Variants in COL11A2 observed in about 807,000 individuals in gnomAD.
COL11A2 encodes collagen type XI alpha 2 chain, also known as collagen alpha-2(XI) chain.
Under a neutral mutation model 273.4 loss-of-function variants are expected in COL11A2, and 116 were observed. That is an observed-to-expected ratio of 0.42 (90% CI 0.36 to 0.49). The LOEUF is 0.49. Ranked by LOEUF, COL11A2 falls within the 20% of genes least tolerant of loss-of-function variation. The pLI is 0.00. For synonymous variants in COL11A2, 782 were observed against 864.2 expected (o/e 0.90, Z 1.67); for missense variants, 1,866 against 2,309.0 (o/e 0.81, Z 3.93).
chr6:33,193,104 G>A (rs1315758148), upstream of COL11A2, among the ~76,000 whole-genome samples: 1 of 152,158 alleles, frequency 6.6e-6, no homozygotes, highest in Non-Finnish European at 1.5e-5. Flanking sequence ...AGGTAGAGGG[G>A]GAGCAGTGGT....
chr6:33,167,733 G>T lies in COL11A2; in HGVS notation c.4014+66C>A. ...GGTGGAGATGGGGTGGGCATCTGGA[G>T]ACGGAGGCATCTGAGGGGTGGGAGG... On this transcript the variant is annotated intron_variant, in intron 55 of 65. Transcript: ENST00000341947. This position sits in a 1 kb window ranked among gnomAD's most constrained non-coding sequence, Gnocchi z 6.1. 1 of 1,590,542 alleles carries T rather than the reference G, an allele frequency of 6.3e-7. No individual in the cohort carries two copies. The highest frequency in any genetic ancestry group is 8.6e-7 in the Non-Finnish European group (1 of 1,162,360).
In COL11A2 at chr6:33,178,234, T is replaced by C. The variant is rs1562356707; in HGVS notation, c.1819-49A>G. 1 of 1,612,470 alleles carries C rather than the reference T, an allele frequency of 6.2e-7. No homozygotes were observed. The highest frequency in any genetic ancestry group is 8.5e-7 in the Non-Finnish European group (1 of 1,179,810). ...GACGGCATGAATGGATAAAACTGTGTCCCTTTAGTGCTCATGTCCCCCTCC... is the reference window on the plus strand; with the variant it reads ...GACGGCATGAATGGATAAAACTGTGCCCCTTTAGTGCTCATGTCCCCCTCC... On this transcript the variant is annotated intron_variant, in intron 20 of 65. Transcript: ENST00000341947. The surrounding 1 kb of genome is among the most constrained non-coding windows in gnomAD (Gnocchi z 4.6).
chr6:33,165,807 C>T lies in COL11A2; in HGVS notation c.4492G>A (p.Gly1498Ser), dbSNP rs1769047894. The stretch of plus-strand genomic sequence containing the variant: ...ATGGGCAGTGGCTGGATCACCTCGC[C>T]TGGGGGACCCTGGGTGCAGGGACAG... ...QGPPGHPGPP[G>S]EVIQPLPIQM... Residue 1498 changes from glycine to serine, a missense_variant, in exon 63 of 66, where the codon GGC (glycine) becomes AGC (serine). Coordinates refer to ENST00000341947, the MANE Select transcript of COL11A2 (RefSeq NM_080680.3). The surrounding 1 kb of genome is among the most constrained non-coding windows in gnomAD (Gnocchi z 7.7). 1.9e-6 allele frequency: 3 copies of T among 1,613,472 alleles called. No homozygotes were observed. The highest frequency in any genetic ancestry group is 2.5e-6 in the Non-Finnish European group (3 of 1,180,030).
In COL11A2 at chr6:33,175,468, C is replaced by T. The variant is rs570379332; in HGVS notation, c.2376+106G>A. 49 of 861,596 alleles carry T rather than the reference C, an allele frequency of 5.7e-5. 1 individual carries two copies. Among genetic ancestry groups the T allele is most frequent in the Non-Finnish European group, 7.5e-5 (38 of 508,758 alleles). The allele number at this position is 861,596 out of a possible 1,614,324, so 53.4% of individuals were successfully genotyped here. On this transcript the variant is annotated intron_variant, in intron 30 of 65. Coordinates refer to ENST00000341947, the MANE Select transcript of COL11A2 (RefSeq NM_080680.3). ...AGACAGAAGTATGACTAATGCATGG[C>T]CATCTTCAACTGACTGGCTGACTTC...
chr6:33,177,508 T>G lies in COL11A2; in HGVS notation c.1918-43A>C. On this transcript the variant is annotated intron_variant, in intron 22 of 65. Coordinates refer to ENST00000341947, the MANE Select transcript of COL11A2 (RefSeq NM_080680.3). The surrounding 1 kb of genome is among the most constrained non-coding windows in gnomAD (Gnocchi z 5.9). ...GGCACAGGTCAGAAGGAGATGGAGA[T>G]AGAACACATTTAGAGCATGGAGCTG... is the stretch of plus-strand genomic sequence containing the variant. The G allele has an allele frequency of 6.2e-7, 1 of 1,606,672 alleles. No individual in the cohort carries two copies. The highest frequency in any genetic ancestry group is 8.5e-7 in the Non-Finnish European group (1 of 1,175,010).
In COL11A2 at chr6:33,170,560, A is replaced by G; in HGVS notation, c.3525T>C (p.Pro1175=). 6.2e-7 allele frequency: 1 copy of G among 1,612,302 alleles called. No homozygotes were observed. Among genetic ancestry groups the G allele is most frequent in the Non-Finnish European group, 8.5e-7 (1 of 1,179,810 alleles). The change falls in exon 47 of 66, where the codon CCT becomes CCC. Residue 1175 remains proline, a synonymous_variant. Transcript: ENST00000341947. The surrounding 1 kb of genome is among the most constrained non-coding windows in gnomAD (Gnocchi z 4.3). ...GGTCAGTAGGGGTCACACTCACCAT[A>G]GGACCCACATCTCCTGTTTCTCCCT... ...GEKGETGDVG[P]MGPPGPPGPR...
chr6:33,173,233 A>G lies in COL11A2; in HGVS notation c.2736+115T>C. On this transcript the variant is annotated intron_variant, in intron 37 of 65. Coordinates refer to ENST00000341947, the MANE Select transcript of COL11A2 (RefSeq NM_080680.3). The surrounding 1 kb of genome is among the most constrained non-coding windows in gnomAD (Gnocchi z 6.3). Reference sequence around the variant, plus strand: ...GCCCTGGGCCCTGGGTCTGAGCAGCACCAGGGCAGGCTCCACTCTGCCAGG... The same window carrying G: ...GCCCTGGGCCCTGGGTCTGAGCAGCGCCAGGGCAGGCTCCACTCTGCCAGG... 6.6e-7 allele frequency: 1 copy of G among 1,521,954 alleles called. No individual in the cohort carries two copies. Among genetic ancestry groups the G allele is most frequent in the Non-Finnish European group, 9.0e-7 (1 of 1,109,846 alleles). 94.3% of individuals were successfully genotyped at this position (1,521,954 alleles called of 1,614,324 possible).
chr6:33,181,902 C>A lies in COL11A2; in HGVS notation c.1120-732G>T, dbSNP rs369299069. On this transcript the variant is annotated intron_variant, in intron 8 of 65. Transcript: ENST00000341947. ...AACCTTCCACACATTTACCCCAATA[C>A]ATCATAAAAGAATCTCTCTAAGATT... Among the ~76,000 whole-genome samples, 150 of 152,334 alleles carry A rather than the reference C, an allele frequency of 9.8e-4. No individual in the cohort carries two copies. The South Asian group carries it at 0.026, about 26-fold the overall frequency.
intron 10 of COL11A2, 104 bp downstream of exon 10, chr6:33,180,860 C>G: frequency 6.4e-7 from 1 of 1,560,088 alleles, no homozygotes; most frequent in Non-Finnish European, 8.8e-7. Flanking sequence ...GGGATGCTCC[C>G]GAGTTCTGAG....
chr6:33,166,930 G>C lies in COL11A2; in HGVS notation c.4231-103C>G. ...AGAGGGAGCCGGGCACAGGGTCCGT[G>C]AGTGGCCCTCACTGAGCAGGGACTC... is the stretch of plus-strand genomic sequence containing the variant. On this transcript the variant is annotated intron_variant, in intron 58 of 65. Transcript: ENST00000341947. The surrounding 1 kb of genome is among the most constrained non-coding windows in gnomAD (Gnocchi z 4.8). 2 of 1,507,332 alleles carry C rather than the reference G, an allele frequency of 1.3e-6. No homozygotes were observed. Among genetic ancestry groups the C allele is most frequent in the Non-Finnish European group, 1.8e-6 (2 of 1,098,896 alleles). 93.4% of individuals were successfully genotyped at this position (1,507,332 alleles called of 1,614,324 possible). A position where few individuals can be genotyped will look rare whatever the true frequency, so the allele number is the denominator to read the frequency against.
chr6:33,171,191 G>GA (rs1327122910), intron 44 of COL11A2, 24 bp from the exon 45 acceptor site: 1 of 1,612,640 alleles, frequency 6.2e-7, no homozygotes, highest in Non-Finnish European at 8.5e-7. Flanking sequence ...GAGAGTCAGA[G>GA]ACACCAAAAC....
rs763412002 is a variant in COL11A2, at chr6:33,170,569, A to G, written c.3516T>C (p.Asp1172=). ...GPSGEKGETG[D]VGPMGPPGPP... is the part of the protein sequence containing the mutation. ...GGGTCACACTCACCATAGGACCCAC[A>G]TCTCCTGTTTCTCCCTTCTCCCCAG... The change falls in exon 47 of 66, where the codon GAT becomes GAC. Residue 1172 remains aspartate (D), a synonymous_variant. Coordinates refer to ENST00000341947, the MANE Select transcript of COL11A2 (RefSeq NM_080680.3). The surrounding 1 kb of genome is among the most constrained non-coding windows in gnomAD (Gnocchi z 4.3). 3 of 1,612,330 alleles carry G rather than the reference A, an allele frequency of 1.9e-6. No homozygotes were observed. The highest frequency in any genetic ancestry group is 2.2e-5 in the South Asian group (2 of 91,064).
rs1376265268 is a variant in COL11A2 at position 33,176,849 on chromosome 6, T to C, written c.2071-84A>G. The C allele has an allele frequency of 6.4e-7, 1 of 1,551,916 alleles. No homozygotes were observed. Among genetic ancestry groups the C allele is most frequent in the African/African-American group, 1.4e-5 (1 of 73,652 alleles). On this transcript the variant is annotated intron_variant, in intron 25 of 65. Coordinates refer to ENST00000341947, the MANE Select transcript of COL11A2 (RefSeq NM_080680.3). This position sits in a 1 kb window ranked among gnomAD's most constrained non-coding sequence, Gnocchi z 4.9. Reference sequence around the variant, plus strand: ...CCCTACACTTCTTCCAACCCAAATTTCCTGTGACCTAGTGAAGCCAACTGT... The same window carrying C: ...CCCTACACTTCTTCCAACCCAAATTCCCTGTGACCTAGTGAAGCCAACTGT...
chr6:33,175,244 A>C (rs561492582), intron 30 of COL11A2, among the ~76,000 whole-genome samples: 77 of 152,284 alleles, frequency 5.1e-4, no homozygotes, highest in Admixed American at 3.9e-3. Flanking sequence ...TCAGCTCTGG[A>C]GACCACAGAC....
chr6:33,191,151 A>G (rs1300953179), intron 1 of COL11A2, among the ~76,000 whole-genome samples: 1 of 152,086 alleles, frequency 6.6e-6, no homozygotes, highest in African/African-American at 2.4e-5. Flanking sequence ...TCTTCCCCCT[A>G]AGAAAGACTC....
At position 33,167,696 on chromosome 6, in the gene COL11A2, C is replaced by T. The variant is rs1194053587; in HGVS notation, c.4014+103G>A. 6.6e-7 allele frequency: 1 copy of T among 1,510,892 alleles called. No homozygotes were observed. The highest frequency in any genetic ancestry group is 1.4e-5 in the African/African-American group (1 of 72,950). The allele number at this position is 1,510,892 out of a possible 1,614,324, so 93.6% of individuals were successfully genotyped here. ...GGGAACGCCTGTCCCCATAAGGGCC[C>T]AACATGGGAGAGGTGGAGATGGGGT... On this transcript the variant is annotated intron_variant, in intron 55 of 65. Transcript: ENST00000341947. The surrounding 1 kb of genome is among the most constrained non-coding windows in gnomAD (Gnocchi z 6.1).
intron 4 of COL11A2, among the ~76,000 whole-genome samples, chr6:33,187,359 G>A (rs941927416): frequency 3.3e-5 from 5 of 152,200 alleles, no homozygotes; most frequent in East Asian, 1.9e-4. Flanking sequence ...CCATTGCACC[G>A]TAATTTAGGG....
At chr6:33,181,084 C>T in intron 9 of COL11A2, 27 bp downstream of exon 9, 1 of 1,614,180 alleles carries the variant, frequency 6.2e-7, no homozygotes, top group Non-Finnish European at 8.5e-7. Flanking sequence ...TTTCCACTGC[C>T]TCAGCCCTGT....
chr6:33,177,943 G>T lies in COL11A2; in HGVS notation c.1872+189C>A. 1 of 773,240 alleles carries T rather than the reference G, an allele frequency of 1.3e-6. No homozygotes were observed. The highest frequency in any genetic ancestry group is 2.1e-6 in the Non-Finnish European group (1 of 472,704). The allele number at this position is 773,240 out of a possible 1,614,324, so 47.9% of individuals were successfully genotyped here. On this transcript the variant is annotated intron_variant, in intron 21 of 65. Coordinates refer to ENST00000341947, the MANE Select transcript of COL11A2 (RefSeq NM_080680.3). The surrounding 1 kb of genome is among the most constrained non-coding windows in gnomAD (Gnocchi z 5.9). ...ATGCCCAGAGCCCTCAGGGCACCAC[G>T]CCACATGGCCCTCCCTGTGCACGGG...
Sources: gnomAD v4.1 joint callset for allele counts (sites outside exome capture counted in the v4.1 genomes callset) on GRCh38, gnomAD v4.1.1 for gene constraint, Gnocchi (gnomAD v3.1) non-coding constraint, MANE v1.5 for transcripts, NCBI Gene and HGNC (gene_info 2026-07-23, HGNC 2026-07-21) for gene names.